APBB1IP: variants seen among roughly 807,000 people sequenced by gnomAD.
The protein encoded by APBB1IP is amyloid beta A4 precursor protein-binding family B member 1-interacting protein.
In APBB1IP, 27 loss-of-function variants were observed where a neutral mutation model predicts 64.9. That is an observed-to-expected ratio of 0.42 (90% CI 0.31 to 0.57). The LOEUF (loss-of-function observed/expected upper bound fraction) is 0.57. Ranked by LOEUF, APBB1IP falls within the 20% of genes least tolerant of loss-of-function variation. The pLI is 0.20. For missense variants in APBB1IP, 812 were observed against 845.5 expected (o/e 0.96, Z 0.49); for synonymous variants, 392 against 331.0 (o/e 1.18, Z -2.00).
At chr10:26,557,024 T>C (rs1160403080) in intron 11 of APBB1IP, among the ~76,000 whole-genome samples, 1 of 152,196 alleles carries the variant, frequency 6.6e-6, no homozygotes, top group Non-Finnish European at 1.5e-5. Flanking sequence ...CAATAAGTGT[T>C]GGCTTTAGTA....
At chr10:26,551,058 G>C (rs1005452120) in intron 11 of APBB1IP, among the ~76,000 whole-genome samples, 6 of 152,190 alleles carry the variant, frequency 3.9e-5, no homozygotes, top group African/African-American at 1.4e-4. Flanking sequence ...AGCCGGTCAG[G>C]CTCTCAGGTC....
intron 2 of APBB1IP, among the ~76,000 whole-genome samples, chr10:26,449,848 A>G (rs1835445224): frequency 6.6e-6 from 1 of 152,102 alleles, no homozygotes; most frequent in African/African-American, 2.4e-5. Context: ...TGTCTCTACA[A>G]AAAAATGAAA....
intron 7 of APBB1IP, among the ~76,000 whole-genome samples, chr10:26,512,168 A>G (rs755604452): frequency 1.3e-5 from 2 of 152,234 alleles, no homozygotes; most frequent in Admixed American, 6.5e-5. Flanking sequence ...AAGGCTTTCA[A>G]TTCCCTTATA....
chr10:26,561,061 T>TTTG, intron 13 of APBB1IP, among the ~76,000 whole-genome samples: 1 of 111,418 alleles, frequency 9.0e-6, no homozygotes, highest in South Asian at 2.8e-4. Context: ...TCTTTCTTTC[T>TTTG]TTCTTTTTTT....
intron 2 of APBB1IP, among the ~76,000 whole-genome samples, chr10:26,472,242 GA>G (rs1835726586): frequency 6.6e-6 from 1 of 152,192 alleles, no homozygotes; most frequent in South Asian, 2.1e-4. Context: ...ATCTTGAAAA[GA>G]AGAGCAAGCT....
In APBB1IP at chr10:26,505,770, T is replaced by C. The variant is rs1836167406; in HGVS notation, c.531+2496T>C. On this transcript the variant is annotated intron_variant, in intron 6 of 14. Coordinates refer to ENST00000376236, the MANE Select transcript of APBB1IP (RefSeq NM_019043.4). ...GCATCTGTACCCATATATCCCATAT[T>C]CTTTCCTTAACAATGGATAAATCAT... Among the ~76,000 whole-genome samples, 7 of 145,718 alleles carry C rather than the reference T, an allele frequency of 4.8e-5. No homozygotes were observed. The South Asian group carries it at 6.2e-4, about 13-fold the overall frequency.
chr10:26,485,441 T>C (rs1387674814), intron 2 of APBB1IP, among the ~76,000 whole-genome samples: 1 of 152,240 alleles, frequency 6.6e-6, no homozygotes, highest in Non-Finnish European at 1.5e-5. Flanking sequence ...GGGAAGCTAC[T>C]TAATCTCTCT....
chr10:26,536,057 C>T lies in APBB1IP; in HGVS notation c.901-17C>T, dbSNP rs1588609514. The stretch of plus-strand genomic sequence containing the variant: ...ATCTTTCGTGTGTGTCTTATGTCGT[C>T]GGAATCTCACTTTCAGGAAAGTTTC... On this transcript the variant is annotated splice_polypyrimidine_tract_variant and intron_variant, in intron 9 of 14. Transcript: ENST00000376236. 3 of 1,574,534 alleles carry T rather than the reference C, an allele frequency of 1.9e-6. No individual in the cohort carries two copies. The highest frequency in any genetic ancestry group is 1.2e-5 in the South Asian group (1 of 83,678).
At chr10:26,508,721 C>T (rs1178056991) in intron 6 of APBB1IP, among the ~76,000 whole-genome samples, 1 of 152,118 alleles carries the variant, frequency 6.6e-6, no homozygotes, top group African/African-American at 2.4e-5. Context: ...TCTTGCTAAA[C>T]ATCACAAGGC....
intron 2 of APBB1IP, among the ~76,000 whole-genome samples, chr10:26,464,095 C>G (rs1322142443): frequency 6.6e-6 from 1 of 152,186 alleles, no homozygotes; most frequent in Non-Finnish European, 1.5e-5. Context: ...AGCAGCCCTC[C>G]TCTAGATCCA....
Position 26,566,985 on chromosome 10 carries a change from C to A in APBB1IP, c.1498C>A (p.His500Asn), listed in dbSNP as rs1461986600. The A allele has an allele frequency of 2.5e-6, 4 of 1,581,580 alleles. No individual in the cohort carries two copies. In the African/African-American group the frequency reaches 4.1e-5, roughly 16 times the overall value. Residue 500 changes from histidine to asparagine, a missense_variant, in exon 15 of 15, where the codon CAC becomes AAC. Coordinates refer to ENST00000376236, the MANE Select transcript of APBB1IP (RefSeq NM_019043.4). ...GGATAAGAAGCCAGCCCTCGGGAAC[C>A]ACCACGACCCGGCAGTGCCCCGGGC... ...SKDKKPALGN[H>N]HDPAVPRAPH...
In APBB1IP at chr10:26,567,263, G is replaced by C; in HGVS notation, c.1776G>C (p.Gly592=). The C allele has an allele frequency of 7.8e-7, 1 of 1,275,308 alleles. No individual in the cohort carries two copies. The highest frequency in any genetic ancestry group is 9.9e-7 in the Non-Finnish European group (1 of 1,008,700). The allele number at this position is 1,275,308 out of a possible 1,614,324, so 79.0% of individuals were successfully genotyped here. The change falls in exon 15 of 15, where the codon GGG becomes GGC. Residue 592 remains glycine (G), a synonymous_variant. Coordinates refer to ENST00000376236, the MANE Select transcript of APBB1IP (RefSeq NM_019043.4). Reference sequence around the variant, plus strand: ...CCCCGCCCCCGCCGTCGTACGCAGGGATCGCGGGCTCAGAGCTGCCCCCGC... The same window carrying C: ...CCCCGCCCCCGCCGTCGTACGCAGGCATCGCGGGCTCAGAGCTGCCCCCGC... The part of the protein sequence containing the change: ...FVPPPPPSYA[G]IAGSELPPPP...
chr10:26,456,347 T>C (rs766648146), intron 2 of APBB1IP, among the ~76,000 whole-genome samples: 11 of 152,106 alleles, frequency 7.2e-5, no homozygotes, highest in African/African-American at 2.4e-4. Flanking sequence ...CTAGGAATTA[T>C]AGGGAAAATA....
intron 9 of APBB1IP, among the ~76,000 whole-genome samples, chr10:26,534,116 T>C (rs10741112): frequency 0.34 from 51,054 of 151,700 alleles, 9,370 homozygotes; most frequent in Admixed American, 0.48. Flanking sequence ...CATTTGACAA[T>C]TGATTTTTTG....
chr10:26,473,320 T>C (rs1156363736), intron 2 of APBB1IP, among the ~76,000 whole-genome samples: 1 of 152,238 alleles, frequency 6.6e-6, no homozygotes, highest in African/African-American at 2.4e-5. Context: ...TCATGATGGA[T>C]AAATCTGCCA....
intron 3 of APBB1IP, among the ~76,000 whole-genome samples, chr10:26,495,013 C>CTT (rs536538794): frequency 1.0e-3 from 144 of 140,356 alleles, no homozygotes; most frequent in African/African-American, 3.5e-3. Context: ...CTTTCTTTTT[C>CTT]TTTTTTTTTT....
chr10:26,541,860 A>G lies in APBB1IP; in HGVS notation c.1155+168A>G, dbSNP rs554570968. 2.9e-4 allele frequency: 154 copies of G among 523,132 alleles called. No homozygotes were observed. In the East Asian group the frequency reaches 5.2e-3, roughly 18 times the overall value. 32.4% of individuals were successfully genotyped at this position (523,132 alleles called of 1,614,324 possible). A position where few individuals can be genotyped will look rare whatever the true frequency, so the allele number is the denominator to read the frequency against. Reference sequence around the variant, plus strand: ...CTATCAATTTGGGACATTTTCCCCAAAGCCTCCTATCTGAACCTAAAACTT... The same window carrying G: ...CTATCAATTTGGGACATTTTCCCCAGAGCCTCCTATCTGAACCTAAAACTT... On this transcript the variant is annotated intron_variant, in intron 11 of 14. Coordinates refer to ENST00000376236, the MANE Select transcript of APBB1IP (RefSeq NM_019043.4).
chr10:26,460,538 A>G (rs1329184293), intron 2 of APBB1IP, among the ~76,000 whole-genome samples: 1 of 152,164 alleles, frequency 6.6e-6, no homozygotes, highest in African/African-American at 2.4e-5. Flanking sequence ...TAGCAAAGAC[A>G]TGGAATCAGC....
intron 11 of APBB1IP, among the ~76,000 whole-genome samples, chr10:26,556,194 C>A (rs759105375): frequency 6.6e-6 from 1 of 152,230 alleles, no homozygotes; most frequent in Non-Finnish European, 1.5e-5. Context: ...GCCAGTGACA[C>A]TGCACCAGCA....
Sources: allele counts gnomAD v4.1 joint callset (sites outside exome capture counted in the v4.1 genomes callset), GRCh38; gene constraint gnomAD v4.1.1; transcripts MANE v1.5; gene names NCBI Gene and HGNC (gene_info 2026-07-23, HGNC 2026-07-21).